MAPK10: variants seen among roughly 807,000 people sequenced by gnomAD.
MAPK10 encodes JNK3 alpha protein kinase.
MAPK10 carries 25 observed loss-of-function variants against 59.3 expected under a neutral mutation model. That is an observed-to-expected ratio of 0.42 (90% CI 0.31 to 0.59). The LOEUF is 0.59. Ranked by LOEUF, MAPK10 falls within the 20% of genes least tolerant of loss-of-function variation. The pLI is 0.15. For missense variants in MAPK10, 351 were observed against 568.9 expected, an observed-to-expected ratio of 0.62 and a Z score of 3.90; for synonymous variants, 190 against 200.5, an observed-to-expected ratio of 0.95 and a Z score of 0.44.
At chr4:86,532,057 T>TA (rs1181475354) in intron 1 of MAPK10, among the ~76,000 whole-genome samples, 3 of 147,698 alleles carry the variant, frequency 2.0e-5, no homozygotes, top group African/African-American at 4.9e-5. Flanking sequence ...ATATTATTTT[T>TA]TATATATATT....
chr4:86,360,725 A>G (rs1001528177), upstream of MAPK10, among the ~76,000 whole-genome samples: 1 of 151,984 alleles, frequency 6.6e-6, no homozygotes. Flanking sequence ...TACTGTTACT[A>G]TTTGGGGCAA....
At chr4:86,297,475 G>T (rs956152967) in intron 2 of MAPK10, among the ~76,000 whole-genome samples, 4 of 151,944 alleles carry the variant, frequency 2.6e-5, no homozygotes, top group African/African-American at 9.7e-5. Flanking sequence ...ACCAAGGTCG[G>T]CTACTTTTTG....
chr4:86,062,486 C>A (rs1212182144), intron 11 of MAPK10, among the ~76,000 whole-genome samples: 1 of 152,112 alleles, frequency 6.6e-6, no homozygotes, highest in African/African-American at 2.4e-5. Flanking sequence ...AAGCAACTAT[C>A]TCTTTTATAG....
intron 13 of MAPK10, among the ~76,000 whole-genome samples, chr4:86,022,447 C>T (rs1429616271): frequency 6.6e-6 from 1 of 151,992 alleles, no homozygotes; most frequent in Non-Finnish European, 1.5e-5. Flanking sequence ...GCTTTATTTT[C>T]TTTTTATTAT....
At chr4:86,246,764 T>A (rs2093118743) in intron 2 of MAPK10, among the ~76,000 whole-genome samples, 1 of 152,190 alleles carries the variant, frequency 6.6e-6, no homozygotes, top group South Asian at 2.1e-4. Context: ...GGGACTGGAA[T>A]GCAGGCAGTG....
chr4:86,073,385 C>T lies in MAPK10; in HGVS notation c.803-5430G>A, dbSNP rs377392501. Among the ~76,000 whole-genome samples, 15 of 151,456 alleles carry T rather than the reference C, an allele frequency of 9.9e-5. No individual in the cohort carries two copies. The East Asian group carries it at 1.5e-3, about 16-fold the overall frequency. On this transcript the variant is annotated intron_variant, in intron 9 of 13. Coordinates refer to ENST00000641462, the MANE Select transcript of MAPK10 (RefSeq NM_138982.4). ...ATCTTTTGAAGGGTTTTTTGTGTCT[C>T]TATTTCCTTCAGTTCTGCTCTGATT... is the stretch of plus-strand genomic sequence containing the variant.
At chr4:86,187,089 A>G (rs1450101245) in intron 3 of MAPK10, among the ~76,000 whole-genome samples, 1 of 152,146 alleles carries the variant, frequency 6.6e-6, no homozygotes, top group African/African-American at 2.4e-5. Flanking sequence ...CAGGCTAATC[A>G]GTTCGTATGA....
intron 2 of MAPK10, among the ~76,000 whole-genome samples, chr4:86,244,701 AT>A (rs2092966543): frequency 6.6e-6 from 1 of 152,216 alleles, no homozygotes; most frequent in Non-Finnish European, 1.5e-5. Context: ...GTGTACGTGC[AT>A]TTTGTGATTC....
chr4:86,532,479 A>C (rs908034591), intron 1 of MAPK10, among the ~76,000 whole-genome samples: 1 of 152,052 alleles, frequency 6.6e-6, no homozygotes, highest in Admixed American at 6.6e-5. Flanking sequence ...CCCCAACCAA[A>C]CTGGTCTACT....
intron 1 of MAPK10, among the ~76,000 whole-genome samples, chr4:86,516,813 A>G (rs1307972515): frequency 6.6e-6 from 1 of 152,046 alleles, no homozygotes; most frequent in East Asian, 1.9e-4. Context: ...AGCTTTTTGG[A>G]TGGGTCTTTA....
intron 1 of MAPK10, among the ~76,000 whole-genome samples, chr4:86,419,907 C>T (rs1746296506): frequency 6.6e-6 from 1 of 152,168 alleles, no homozygotes; most frequent in Non-Finnish European, 1.5e-5. Flanking sequence ...GAACTTGCAA[C>T]TATATCTTAG....
At chr4:86,217,012 T>C (rs1157352197) in intron 2 of MAPK10, among the ~76,000 whole-genome samples, 1 of 152,176 alleles carries the variant, frequency 6.6e-6, no homozygotes, top group African/African-American at 2.4e-5. Flanking sequence ...CAACTTATTT[T>C]CATAGAGAAA....
intron 3 of MAPK10, among the ~76,000 whole-genome samples, chr4:86,188,303 A>G (rs1421552827): frequency 1.3e-5 from 2 of 152,134 alleles, no homozygotes; most frequent in Admixed American, 6.5e-5. Context: ...CTGGTTCTAG[A>G]TCCTTGAGGA....
chr4:86,060,003 A>C (rs1227842989), intron 11 of MAPK10, among the ~76,000 whole-genome samples: 1 of 152,120 alleles, frequency 6.6e-6, no homozygotes, highest in Non-Finnish European at 1.5e-5. Context: ...CCTGATTCCC[A>C]GAGTAAGGTT....
At chr4:86,342,016 T>C (rs187314494) in intron 2 of MAPK10, among the ~76,000 whole-genome samples, 12 of 152,194 alleles carry the variant, frequency 7.9e-5, no homozygotes, top group African/African-American at 2.6e-4. Flanking sequence ...ACCCAGGCAG[T>C]TTAACTCTGG....
At chr4:86,126,455 T>C (rs529886251) in intron 4 of MAPK10, among the ~76,000 whole-genome samples, 1 of 152,240 alleles carries the variant, frequency 6.6e-6, no homozygotes, top group South Asian at 2.1e-4. Context: ...CTGTATCCCC[T>C]ACATGTTTGT....
intron 2 of MAPK10, among the ~76,000 whole-genome samples, chr4:86,256,262 G>C (rs748269199): frequency 6.6e-6 from 1 of 152,176 alleles, no homozygotes; most frequent in African/African-American, 2.4e-5. Context: ...GAATGTGTCA[G>C]TAGCTTGCTC....
intron 1 of MAPK10, among the ~76,000 whole-genome samples, chr4:86,365,430 T>TAAAAAAA (rs1564734606): frequency 9.6e-5 from 1 of 10,460 alleles, no homozygotes; most frequent in Non-Finnish European, 2.0e-4. Context: ...AGACTCTGTC[T>TAAAAAAA]CAAAAAAAAA....
chr4:86,336,614 C>T (rs1194872949), intron 2 of MAPK10: 1 of 152,114 alleles, frequency 6.6e-6, no homozygotes, highest in African/African-American at 2.4e-5. Flanking sequence ...TTCCCTCATC[C>T]CTCTATCTGA....
Sources: gnomAD v4.1 joint callset for allele counts (sites outside exome capture counted in the v4.1 genomes callset) on GRCh38, gnomAD v4.1.1 for gene constraint, MANE v1.5 for transcripts, NCBI Gene and HGNC (gene_info 2026-07-23, HGNC 2026-07-21) for gene names.